The following PRKCI variants were observed in gnomAD, a reference collection of about 807,000 sequenced individuals.
PRKCI encodes protein kinase C iota type.
A neutral mutation model predicts 84.0 loss-of-function variants in PRKCI; 43 were observed. The observed-to-expected ratio is 0.51, with a 90% CI of 0.40 to 0.66. PRKCI has a LOEUF of 0.66. Among genes scored for constraint, PRKCI ranks in the 30% least tolerant of loss-of-function variants. PRKCI has a pLI of 0.00. For synonymous variants in PRKCI, 216 were observed against 234.4 expected, an observed-to-expected ratio of 0.92 and a Z score of 0.72; for missense variants, 459 against 745.6, an observed-to-expected ratio of 0.62 and a Z score of 4.48.
intron 2 of PRKCI, among the ~76,000 whole-genome samples, chr3:170,245,178 G>A (rs932560400): frequency 9.2e-5 from 14 of 152,084 alleles, no homozygotes; most frequent in Admixed American, 6.6e-5. Flanking sequence ...GAGACCCTGA[G>A]GTATTGGTTA....
rs141675046 is a variant in PRKCI at position 170,295,576 on chromosome 3, T to C, written c.1418-335T>C. 1.1e-4 allele frequency among the ~76,000 whole-genome samples: 17 copies of C among 150,430 alleles called. No individual in the cohort carries two copies. The East Asian group carries it at 3.2e-3, about 28-fold the overall frequency. On this transcript the variant is annotated intron_variant, in intron 14 of 17. Transcript: ENST00000295797. ...CTGTAATCCCAGCTACTCAGGAGGC[T>C]GAAGTGGTAGAAGCACTTGAACCCG...
intron 2 of PRKCI, among the ~76,000 whole-genome samples, chr3:170,242,133 A>G (rs971717468): frequency 2.0e-5 from 3 of 152,220 alleles, no homozygotes; most frequent in South Asian, 2.1e-4. Context: ...TTGTAGAGAC[A>G]GGGTCTTGTT....
Position 170,303,288 on chromosome 3 carries a change from T to A in PRKCI, c.*161T>A, listed in dbSNP as rs759769254. 1.2e-5 allele frequency: 5 copies of A among 419,336 alleles called. No homozygotes were observed. Among genetic ancestry groups the A allele is most frequent in the Non-Finnish European group, 1.7e-5 (4 of 241,356 alleles). The allele number at this position is 419,336 out of a possible 1,614,324, so 26.0% of individuals were successfully genotyped here. A position where few individuals can be genotyped will look rare whatever the true frequency, so the allele number is the denominator to read the frequency against. ...ATATGAATCAATTATTACATCTGTT[T>A]TACTATGAAAAAAAAATTAATACTA... On this transcript the variant is annotated 3_prime_UTR_variant, in exon 18 of 18. Coordinates refer to ENST00000295797, the MANE Select transcript of PRKCI (RefSeq NM_002740.6).
chr3:170,274,396 A>G (rs1421442151), intron 7 of PRKCI, among the ~76,000 whole-genome samples: 3 of 152,226 alleles, frequency 2.0e-5, no homozygotes, highest in Non-Finnish European at 2.9e-5. Flanking sequence ...GGCCTCCCAA[A>G]GTGCTGGGAT....
Position 170,293,399 on chromosome 3 carries a change from G to T in PRKCI, c.1308G>T (p.Trp436Cys). 1 of 1,612,016 alleles carries T rather than the reference G, an allele frequency of 6.2e-7. No individual in the cohort carries two copies. Among genetic ancestry groups the T allele is most frequent in the Non-Finnish European group, 8.5e-7 (1 of 1,179,210 alleles). ...TTTCTGAAGGTTTCAGTGTTGACTG[G>T]TGGGCTCTTGGAGTGCTCATGTTTG... ...RGEDYGFSVDWWALGVLMFEM... is the reference protein window; with the variant it reads ...RGEDYGFSVDCWALGVLMFEM... The change falls in exon 14 of 18, where the codon TGG becomes TGT. Residue 436 changes from tryptophan to cysteine, a missense_variant. Around this residue, in one of 2 missense-constraint regions of PRKCI, gnomAD observed 209 missense variants for 425.9 expected, o/e 0.49. Coordinates refer to ENST00000295797, the MANE Select transcript of PRKCI (RefSeq NM_002740.6).
intron 6 of PRKCI, among the ~76,000 whole-genome samples, chr3:170,272,228 A>G (rs1734020152): frequency 6.6e-6 from 1 of 152,226 alleles, no homozygotes; most frequent in African/African-American, 2.4e-5. Context: ...AAATACCTGG[A>G]TGCAGCTATC....
At chr3:170,295,885 T>C (rs1254959844) in intron 14 of PRKCI, 26 bp from the exon 15 acceptor site, 36 of 1,366,854 alleles carry the variant, frequency 2.6e-5, no homozygotes, top group Non-Finnish European at 3.4e-5. Context: ...AAGTTAAATA[T>C]AATACTATAA....
chr3:170,281,276 G>T lies in PRKCI; in HGVS notation c.980+13G>T. 1 of 1,606,156 alleles carries T rather than the reference G, an allele frequency of 6.2e-7. No individual in the cohort carries two copies. Among genetic ancestry groups the T allele is most frequent in the Non-Finnish European group, 8.5e-7 (1 of 1,173,048 alleles). On this transcript the variant is annotated intron_variant, in intron 10 of 17. Transcript: ENST00000295797. The stretch of plus-strand genomic sequence containing the variant: ...AGACAGAAAGCAGGTAAGATTGAAA[G>T]ATAGTAGAATGATTACTGGGCTTCA...
chr3:170,248,371 TG>T (rs34352223), intron 2 of PRKCI, among the ~76,000 whole-genome samples: 51,677 of 130,994 alleles, frequency 0.39, 9,681 homozygotes, highest in African/African-American at 0.57. Context: ...GTAGATATAT[TG>T]GGGGGGGGAA....
chr3:170,296,046 C>CCGCTACTGACCAGTT, intron 15 of PRKCI, 56 bp downstream of exon 15: 1 of 1,022,158 alleles, frequency 9.8e-7, no homozygotes, highest in Admixed American at 2.5e-5. Flanking sequence ...ATATATCAAA[C>CCGCTACTGACCAGTT]TGGTCAGTAG....
rs1219413331 is a variant in PRKCI, at chr3:170,304,589, C to T, written c.*1462C>T. On this transcript the variant is annotated 3_prime_UTR_variant, in exon 18 of 18. Coordinates refer to ENST00000295797, the MANE Select transcript of PRKCI (RefSeq NM_002740.6). ...CATACACTCACACACATCACAGTATCAGCTCTTTCAGTGAGTTTTTATTAA... is the reference window on the plus strand; with the variant it reads ...CATACACTCACACACATCACAGTATTAGCTCTTTCAGTGAGTTTTTATTAA... 2.6e-5 allele frequency: 4 copies of T among 152,072 alleles called. No homozygotes were observed. The highest frequency in any genetic ancestry group is 4.4e-5 in the Non-Finnish European group (3 of 68,014). 9.4% of individuals were successfully genotyped at this position (152,072 alleles called of 1,614,324 possible).
chr3:170,270,370 A>G (rs1733968616), intron 5 of PRKCI, 51 bp from the exon 6 acceptor site: 1 of 1,489,590 alleles, frequency 6.7e-7, no homozygotes, highest in Non-Finnish European at 9.1e-7. Flanking sequence ...TATTTGGGAA[A>G]TGGTTATGAC....
rs1032846854 is a variant in PRKCI, at chr3:170,305,967, T to C, written c.*2840T>C. ...TACTTTGAAGTCTTTAAATAAAATG[T>C]ATAATACCCATTGAGAGTGGATCAT... On this transcript the variant is annotated 3_prime_UTR_variant, in exon 18 of 18. Coordinates refer to ENST00000295797, the MANE Select transcript of PRKCI (RefSeq NM_002740.6). 1.3e-5 allele frequency: 2 copies of C among 151,830 alleles called. No homozygotes were observed. The highest frequency in any genetic ancestry group is 2.9e-5 in the Non-Finnish European group (2 of 67,984). The allele number at this position is 151,830 out of a possible 1,614,324, so 9.4% of individuals were successfully genotyped here.
chr3:170,289,906 A>G (rs973927512), intron 12 of PRKCI, among the ~76,000 whole-genome samples: 1 of 151,564 alleles, frequency 6.6e-6, no homozygotes. Context: ...GCGAAACTCC[A>G]TCTTAAAAGA....
At chr3:170,272,626 C>G (rs1734030856) in intron 6 of PRKCI, among the ~76,000 whole-genome samples, 1 of 152,146 alleles carries the variant, frequency 6.6e-6, no homozygotes, top group Non-Finnish European at 1.5e-5. Context: ...TACTTATGAG[C>G]CTTTCTTTAA....
chr3:170,235,350 A>G lies in PRKCI; in HGVS notation c.222A>G (p.Glu74=). Residue 74 remains glutamate, a splice_region_variant and synonymous_variant, in exon 2 of 18, where the codon GAA becomes GAG. Transcript: ENST00000295797. ...TCACCATGAAATGGATAGATGAGGA[A>G]GGTGAGTGGTAAAGACAGGGCTGCC... is the stretch of plus-strand genomic sequence containing the variant. ...QLFTMKWIDE[E]GDPCTVSSQL... 1 of 1,614,022 alleles carries G rather than the reference A, an allele frequency of 6.2e-7. No homozygotes were observed. The highest frequency in any genetic ancestry group is 1.3e-5 in the African/African-American group (1 of 75,064).
At chr3:170,238,484 G>A (rs1466318216) in intron 2 of PRKCI, among the ~76,000 whole-genome samples, 1 of 146,578 alleles carries the variant, frequency 6.8e-6, no homozygotes, top group African/African-American at 2.5e-5. Flanking sequence ...TTTTAGTACT[G>A]CATAGTATTA....
Position 170,299,067 on chromosome 3 carries a change from T to G in PRKCI, c.1660T>G (p.Ser554Ala). ...GGAATTTGGTTTGGACAACTTTGAT[T>G]CTCAGTTTACTAATGAACCTGTCCA... is the stretch of plus-strand genomic sequence containing the variant. ...SGEFGLDNFD[S>A]QFTNEPVQLT... The change falls in exon 17 of 18, where the codon TCT (serine) becomes GCT (alanine). Residue 554 changes from serine to alanine, a missense_variant. Ser to Ala is a moderately conservative substitution (Grantham distance 99). Around this residue, in one of 2 missense-constraint regions of PRKCI, gnomAD observed 209 missense variants for 425.9 expected, o/e 0.49. Coordinates refer to ENST00000295797, the MANE Select transcript of PRKCI (RefSeq NM_002740.6). 6.2e-7 allele frequency: 1 copy of G among 1,613,012 alleles called. No individual in the cohort carries two copies. The highest frequency in any genetic ancestry group is 2.2e-5 in the East Asian group (1 of 44,838).
intron 12 of PRKCI, among the ~76,000 whole-genome samples, chr3:170,286,485 CTT>C (rs34674664): frequency 2.2e-3 from 143 of 65,574 alleles, no homozygotes; most frequent in Middle Eastern, 0.017. Context: ...AACAATGAGG[CTT>C]TTTTTTTTTT....
Sources: allele counts gnomAD v4.1 joint callset (sites outside exome capture counted in the v4.1 genomes callset), GRCh38; gene constraint gnomAD v4.1.1; regional missense constraint gnomAD v4.1.1; transcripts MANE v1.5; gene names NCBI Gene and HGNC (gene_info 2026-07-23, HGNC 2026-07-21).